Variants in DNAH9 observed in about 807,000 individuals in gnomAD.
DNAH9 encodes the protein DNAH9 variant protein.
Under a neutral mutation model 471.6 loss-of-function variants are expected in DNAH9, and 345 were observed. That is an observed-to-expected ratio of 0.73 (90% confidence interval 0.67 to 0.80). The LOEUF (loss-of-function observed/expected upper bound fraction) is 0.80. Ranked by LOEUF, DNAH9 falls within the 30% of genes least tolerant of loss-of-function variation. The pLI, the probability that DNAH9 is intolerant of heterozygous loss-of-function variation, is 0.00. For synonymous variants in DNAH9, 2,093 were observed against 2,123.6 expected (o/e 0.99, Z 0.40); for missense variants, 5,407 against 5,609.2 (o/e 0.96, Z 1.15).
At chr17:11,640,904 G>A (rs150148154) in intron 10 of DNAH9, among the ~76,000 whole-genome samples, 400 of 152,226 alleles carry the variant, frequency 2.6e-3, no homozygotes, top group Non-Finnish European at 4.0e-3. Context: ...TGATTCTGAC[G>A]GTGACCAGGT....
At chr17:11,652,146 A>T (rs2150702402) in intron 13 of DNAH9, among the ~76,000 whole-genome samples, 1 of 152,304 alleles carries the variant, frequency 6.6e-6, no homozygotes, top group Non-Finnish European at 1.5e-5. Context: ...ATTAACCCAA[A>T]TAAGGTCATC....
intron 63 of DNAH9, among the ~76,000 whole-genome samples, chr17:11,930,765 C>CAAAAAAAAAAAAAAAAAAAAA (rs11371438): frequency 2.4e-5 from 3 of 125,216 alleles, no homozygotes; most frequent in African/African-American, 9.5e-5. Flanking sequence ...ACTCCATCTC[C>CAAAAAAAAAAAAAAAAAAAAA]AAAAAAAAAA....
chr17:11,669,406 C>T lies in DNAH9; in HGVS notation c.2965C>T (p.Arg989Trp), dbSNP rs765666122. Residue 989 changes from arginine to tryptophan, a missense_variant, in exon 17 of 69, where the codon CGG becomes TGG. By Grantham distance (101) the Arg-to-Trp change is moderately radical. Coordinates refer to ENST00000262442, the MANE Select transcript of DNAH9 (RefSeq NM_001372.4). ...CGGTATACCAGATTTGGCAAACATG[C>T]GGCGCACACTCATGGAGAGAGTCCA... ...LDGIPDLANM[R>W]RTLMERVQRM... The T allele has an allele frequency of 1.8e-5, 29 of 1,613,414 alleles. 1 individual carries two copies. The highest frequency in any genetic ancestry group is 5.5e-5 in the South Asian group (5 of 90,912).
chr17:11,943,500 A>G (rs1432645837), intron 67 of DNAH9, among the ~76,000 whole-genome samples: 1 of 151,838 alleles, frequency 6.6e-6, no homozygotes, highest in East Asian at 2.0e-4. Context: ...AGCACGGTGA[A>G]ACCCCGTCTC....
At chr17:11,845,840 T>A (rs1452427024) in intron 49 of DNAH9, among the ~76,000 whole-genome samples, 1 of 141,588 alleles carries the variant, frequency 7.1e-6, no homozygotes, top group Non-Finnish European at 1.5e-5. Context: ...TTTGCCCACT[T>A]TTTGATGGGG....
At chr17:11,622,591 C>T (rs1355388141) in intron 6 of DNAH9, among the ~76,000 whole-genome samples, 1 of 152,066 alleles carries the variant, frequency 6.6e-6, no homozygotes, top group Non-Finnish European at 1.5e-5. Flanking sequence ...TGCAGATGGC[C>T]CTGGGAATGG....
At chr17:11,650,155 G>C (rs948088687) in intron 12 of DNAH9, among the ~76,000 whole-genome samples, 1 of 152,226 alleles carries the variant, frequency 6.6e-6, no homozygotes, top group South Asian at 2.1e-4. Context: ...AAAATGGTTA[G>C]CATTTGTCTG....
intron 10 of DNAH9, 115 bp from the exon 11 acceptor site, chr17:11,644,516 T>C: frequency 2.7e-6 from 2 of 738,892 alleles, no homozygotes; most frequent in Non-Finnish European, 2.2e-6. Context: ...CAGGGCTGTT[T>C]GGAAACGAGC....
chr17:11,803,734 A>G (rs12949783), intron 43 of DNAH9, among the ~76,000 whole-genome samples: 65,230 of 152,120 alleles, frequency 0.43, 14,482 homozygotes, highest in Non-Finnish European at 0.5. Context: ...GGCATGGGCC[A>G]TGCTAAGCTG....
intron 29 of DNAH9, 69 bp from the exon 30 acceptor site, chr17:11,742,100 GCTTATT>G: frequency 7.1e-7 from 1 of 1,405,182 alleles, no homozygotes; most frequent in Non-Finnish European, 9.9e-7. Context: ...CTCGGCCAGT[GCTTATT>G]TTCTTGCAGT....
At chr17:11,823,929 C>CAAA (rs369941815) in intron 48 of DNAH9, among the ~76,000 whole-genome samples, 4,306 of 128,574 alleles carry the variant, frequency 0.033, 227 homozygotes, top group African/African-American at 0.12. Flanking sequence ...GACTCCATCT[C>CAAA]AAAAAAAAAA....
At chr17:11,948,307 C>T (rs1288331553) in intron 67 of DNAH9, among the ~76,000 whole-genome samples, 3 of 145,662 alleles carry the variant, frequency 2.1e-5, no homozygotes, top group Non-Finnish European at 3.0e-5. Flanking sequence ...CGGCTCACTG[C>T]AAGCTCCACC....
chr17:11,813,742 A>C (rs1970001066), intron 45 of DNAH9, among the ~76,000 whole-genome samples: 1 of 152,162 alleles, frequency 6.6e-6, no homozygotes, highest in African/African-American at 2.4e-5. Context: ...ACCATTTCTA[A>C]AATCAAACCA....
intron 48 of DNAH9, among the ~76,000 whole-genome samples, chr17:11,825,245 A>G (rs891018796): frequency 2.0e-5 from 3 of 152,144 alleles, no homozygotes; most frequent in Admixed American, 6.5e-5. Flanking sequence ...ATCTGTAGCA[A>G]ACAGCATAGA....
intron 24 of DNAH9, among the ~76,000 whole-genome samples, chr17:11,703,971 C>T (rs1234308716): frequency 3.3e-5 from 5 of 152,206 alleles, no homozygotes; most frequent in South Asian, 2.1e-4. Context: ...TCTTCTCAAC[C>T]GAATGATACA....
chr17:11,845,115 A>T (rs1040772581), intron 49 of DNAH9, among the ~76,000 whole-genome samples: 13 of 151,002 alleles, frequency 8.6e-5, no homozygotes, highest in Non-Finnish European at 1.2e-4. Context: ...CTAACTCGTC[A>T]TCTAGCATTA....
chr17:11,852,716 A>G (rs765191187), intron 49 of DNAH9, among the ~76,000 whole-genome samples: 9 of 151,028 alleles, frequency 6.0e-5, no homozygotes, highest in Non-Finnish European at 1.2e-4. Flanking sequence ...CACGACAGGT[A>G]GGAATGAAGA....
rs1450838260 is a variant in DNAH9, at chr17:11,818,275, G to A, written c.8708-3645G>A. On this transcript the variant is annotated intron_variant, in intron 45 of 68. Coordinates refer to ENST00000262442, the MANE Select transcript of DNAH9 (RefSeq NM_001372.4). ...GAAACCCCGTCTGTACTAAAAATAC[G>A]AAAATTAGCTGGGCATGGTGGTGTG... Among the ~76,000 whole-genome samples, 9 of 151,994 alleles carry A rather than the reference G, an allele frequency of 5.9e-5. No homozygotes were observed. In the South Asian group the frequency reaches 6.2e-4, roughly 10 times the overall value.
intron 27 of DNAH9, among the ~76,000 whole-genome samples, chr17:11,725,725 G>T (rs1843081999): frequency 6.6e-6 from 1 of 151,998 alleles, no homozygotes; most frequent in Non-Finnish European, 1.5e-5. Context: ...AAATTAGCTG[G>T]GCTTGGTGGT....
Sources: gnomAD v4.1 joint callset for allele counts (sites outside exome capture counted in the v4.1 genomes callset) on GRCh38, gnomAD v4.1.1 for gene constraint, MANE v1.5 for transcripts, NCBI Gene and HGNC (gene_info 2026-07-23, HGNC 2026-07-21) for gene names.